The following ABCC1 variants were observed in gnomAD, a reference collection of about 807,000 sequenced individuals.
The protein encoded by ABCC1 is multidrug resistance-associated protein 1.
In ABCC1, 83 loss-of-function variants were observed where a neutral mutation model predicts 172.9. The observed-to-expected ratio is 0.48, with a 90% CI of 0.40 to 0.58. The LOEUF is 0.58. Among genes scored for constraint, ABCC1 ranks in the 20% least tolerant of loss-of-function variants. The probability of loss-of-function intolerance (pLI) is 0.00; values close to 1 mark genes in which losing one functional copy is unlikely to be tolerated. For missense variants in ABCC1, 1,817 were observed against 2,002.7 expected (o/e 0.91, Z 1.77); for synonymous variants, 937 against 825.2 (o/e 1.14, Z -2.32).
intron 24 of ABCC1, among the ~76,000 whole-genome samples, chr16:16,123,470 A>G (rs1000070382): frequency 6.6e-6 from 1 of 152,032 alleles, no homozygotes; most frequent in Admixed American, 6.6e-5. Flanking sequence ...TCCCATCTAT[A>G]TTAAAAATAC....
intron 1 of ABCC1, among the ~76,000 whole-genome samples, chr16:15,960,362 G>T (rs368490471): frequency 6.6e-6 from 1 of 152,030 alleles, no homozygotes; most frequent in Non-Finnish European, 1.5e-5. Flanking sequence ...GAGCCACCAC[G>T]CCCAGCCTCG....
chr16:16,083,611 C>T (rs1480893282), intron 17 of ABCC1, 69 bp downstream of exon 17: 14 of 1,562,312 alleles, frequency 9.0e-6, no homozygotes, highest in Non-Finnish European at 1.1e-5. Flanking sequence ...CTCTCACAAT[C>T]TCAGTGGGCT....
intron 12 of ABCC1, among the ~76,000 whole-genome samples, chr16:16,060,220 A>C (rs894939385): frequency 6.6e-6 from 1 of 152,084 alleles, no homozygotes; most frequent in Non-Finnish European, 1.5e-5. Flanking sequence ...GTCACATGGA[A>C]AATGAAGGGG....
intron 7 of ABCC1, among the ~76,000 whole-genome samples, chr16:16,039,450 G>A (rs1477453766): frequency 1.3e-5 from 2 of 151,584 alleles, no homozygotes; most frequent in Non-Finnish European, 2.9e-5. Context: ...TGTATTTTTA[G>A]TAGAGACGGG....
intron 1 of ABCC1, among the ~76,000 whole-genome samples, chr16:15,969,924 C>T (rs74011340): frequency 3.3e-4 from 50 of 152,240 alleles, no homozygotes; most frequent in African/African-American, 8.9e-4. Flanking sequence ...GCATGGTTCC[C>T]TGCCTTCCTT....
At chr16:16,096,919 A>T (rs1176341262) in intron 19 of ABCC1, among the ~76,000 whole-genome samples, 1 of 276 alleles carries the variant, frequency 3.6e-3, no homozygotes, top group Non-Finnish European at 7.4e-3. Context: ...GTTTGCTTTA[A>T]AAAAAAAAAG....
chr16:16,061,572 C>G (rs1389695197), intron 12 of ABCC1, among the ~76,000 whole-genome samples: 1 of 152,174 alleles, frequency 6.6e-6, no homozygotes, highest in South Asian at 2.1e-4. Flanking sequence ...CAAGCCCTTC[C>G]TCCTAACACC....
chr16:16,006,291 A>T (rs1025336799), intron 1 of ABCC1, among the ~76,000 whole-genome samples: 2 of 152,120 alleles, frequency 1.3e-5, no homozygotes, highest in South Asian at 4.1e-4. Context: ...ATGGTGGTGC[A>T]CACCTGTAGT....
chr16:16,017,082 C>T (rs2048026509), intron 5 of ABCC1, among the ~76,000 whole-genome samples: 1 of 151,770 alleles, frequency 6.6e-6, no homozygotes, highest in South Asian at 2.1e-4. Flanking sequence ...ATGCCTGGCC[C>T]CTGAGGGATT....
In ABCC1 at chr16:16,138,296, G is replaced by A; in HGVS notation, c.4293-68G>A. The A allele has an allele frequency of 2.7e-6, 4 of 1,464,036 alleles. No individual in the cohort carries two copies. The South Asian group carries it at 5.4e-5, about 20-fold the overall frequency. 90.7% of individuals were successfully genotyped at this position (1,464,036 alleles called of 1,614,324 possible). ...TGTCTCCTTTCGCTTCTCCCAGCCT[G>A]GGCCTAGGTTCAGGGTCAGGGGTGG... On this transcript the variant is annotated intron_variant, in intron 29 of 30. Transcript: ENST00000399410.
chr16:15,974,070 G>C (rs2046430243), intron 1 of ABCC1, among the ~76,000 whole-genome samples: 2 of 152,170 alleles, frequency 1.3e-5, no homozygotes, highest in South Asian at 4.1e-4. Flanking sequence ...AAGCTGAAGT[G>C]GTTGAAATGA....
At chr16:16,120,714 G>A (rs547341007) in intron 23 of ABCC1, among the ~76,000 whole-genome samples, 2 of 152,270 alleles carry the variant, frequency 1.3e-5, no homozygotes, top group South Asian at 2.1e-4. Flanking sequence ...CAGGCGGCCT[G>A]TGTGCAGGGA....
At chr16:16,073,661 G>GC (rs372915609) in intron 14 of ABCC1, among the ~76,000 whole-genome samples, 74 of 152,284 alleles carry the variant, frequency 4.9e-4, no homozygotes, top group African/African-American at 1.6e-3. Context: ...AGAGGCTGAG[G>GC]CAGGAGGATT....
At chr16:16,064,438 A>G (rs2050037767) in intron 12 of ABCC1, among the ~76,000 whole-genome samples, 1 of 152,098 alleles carries the variant, frequency 6.6e-6, no homozygotes. Flanking sequence ...GTGCTCAGTT[A>G]CCACCTGAGG....
chr16:15,985,816 C>T (rs934141696), intron 1 of ABCC1, among the ~76,000 whole-genome samples: 3 of 151,972 alleles, frequency 2.0e-5, no homozygotes, highest in Admixed American at 6.6e-5. Flanking sequence ...CTCTAGTTCT[C>T]GGGAGTCAGA....
Position 16,083,476 on chromosome 16 carries a change from G to A in ABCC1, c.2226G>A (p.Gln742=). 1 of 1,613,962 alleles carries A rather than the reference G, an allele frequency of 6.2e-7. No homozygotes were observed. The highest frequency in any genetic ancestry group is 8.5e-7 in the Non-Finnish European group (1 of 1,180,038). Residue 742 remains glutamine, a synonymous_variant, in exon 17 of 31, where the codon CAG becomes CAA. Transcript: ENST00000399410. ...AACCATATTACAGGTCCGTGATACAGGCCTGTGCCCTCCTCCCAGACCTGG... is the reference window on the plus strand; with the variant it reads ...AACCATATTACAGGTCCGTGATACAAGCCTGTGCCCTCCTCCCAGACCTGG... The part of the protein sequence containing the change: ...LEEPYYRSVI[Q]ACALLPDLEI...
rs780582030 is a variant in ABCC1 at position 16,079,495 on chromosome 16, C to T, written c.2115+17C>T. 4.4e-6 allele frequency: 7 copies of T among 1,597,184 alleles called. No homozygotes were observed. Among genetic ancestry groups the T allele is most frequent in the South Asian group, 1.1e-5 (1 of 90,198 alleles). On this transcript the variant is annotated intron_variant, in intron 16 of 30. Coordinates refer to ENST00000399410, the MANE Select transcript of ABCC1 (RefSeq NM_004996.4). ...GCTATCAAGGTAGGATGAGGACCAG[C>T]GGGGAGGGGCAGTGGGGAAGCTGGT...
chr16:16,129,377 G>A (rs183309258), intron 26 of ABCC1, among the ~76,000 whole-genome samples: 3 of 151,694 alleles, frequency 2.0e-5, no homozygotes, highest in East Asian at 2.0e-4. Context: ...GGCCAGGCGC[G>A]GTGGCTCACG....
chr16:16,134,629 T>C (rs914858698), intron 28 of ABCC1, 121 bp downstream of exon 28: 12 of 110,166 alleles, frequency 1.1e-4, no homozygotes, highest in South Asian at 5.5e-4. Flanking sequence ...ATCGTTCTTT[T>C]TTTTTTTTTT....
Sources: allele counts gnomAD v4.1 joint callset (sites outside exome capture counted in the v4.1 genomes callset), GRCh38; gene constraint gnomAD v4.1.1; transcripts MANE v1.5; gene names NCBI Gene and HGNC (gene_info 2026-07-23, HGNC 2026-07-21).